The following CLIC2 variants were observed in gnomAD, a reference collection of about 807,000 sequenced individuals.
The protein encoded by CLIC2 is chloride intracellular channel protein 2.
In CLIC2, 9 loss-of-function variants were observed where a neutral mutation model predicts 14.8. The observed-to-expected ratio is 0.61, with a 90% CI of 0.37 to 1.06. The LOEUF is 1.06. Ranked by LOEUF, CLIC2 falls within the 50% of genes least tolerant of loss-of-function variation. The pLI, the probability that CLIC2 is intolerant of heterozygous loss-of-function variation, is 0.01. For missense variants in CLIC2, 148 were observed against 181.4 expected (o/e 0.82, Z 1.06); for synonymous variants, 61 against 66.3 (o/e 0.92, Z 0.39).
intron 1 of CLIC2, among the ~76,000 whole-genome samples, chrX:155,328,096 G>A (rs1557322511): frequency 9.0e-6 from 1 of 110,781 alleles, no homozygotes; most frequent in South Asian, 3.7e-4. Context: ...TCTAAGATTG[G>A]GAACATAACA....
At chrX:155,331,332 T>C (rs1557322814) in intron 1 of CLIC2, among the ~76,000 whole-genome samples, 2 of 110,998 alleles carry the variant, frequency 1.8e-5, no homozygotes, top group African/African-American at 6.5e-5. Flanking sequence ...TGTTATGTTA[T>C]GCTGATTTAA....
At chrX:155,290,455 A>G in intron 3 of CLIC2, 2 of 508,087 alleles carry the variant, frequency 3.9e-6, no homozygotes, top group Non-Finnish European at 7.1e-6. Context: ...TTCACAAAGG[A>G]AGTCTGAAGT....
rs1557318710 is a variant in CLIC2 at position 155,299,110 on chromosome X, G to C, written c.93C>G (p.Pro31=). ...GSDGESIGNC[P]FCQRLFMILW... Reference sequence around the variant, plus strand: ...GGATCATGAAAAGGCGTTGGCAAAAGGGACAGTTTCCAATACTCTCTCCAT... The same window carrying C: ...GGATCATGAAAAGGCGTTGGCAAAACGGACAGTTTCCAATACTCTCTCCAT... Residue 31 remains proline (P), a synonymous_variant, in exon 2 of 6, where the codon CCC becomes CCG. Coordinates refer to ENST00000369449, the MANE Select transcript of CLIC2 (RefSeq NM_001289.6). The C allele has an allele frequency of 5.0e-6, 6 of 1,209,002 alleles. No homozygotes were observed. The highest frequency in any genetic ancestry group is 6.7e-6 in the Non-Finnish European group (6 of 893,233).
At chrX:155,320,155 C>A (rs2075109184) in intron 1 of CLIC2, among the ~76,000 whole-genome samples, 2 of 112,311 alleles carry the variant, frequency 1.8e-5, no homozygotes, top group South Asian at 7.4e-4. Context: ...GACGTTCCTG[C>A]CTACTGGTGC....
chrX:155,287,343 T>C (rs941162032), intron 3 of CLIC2, among the ~76,000 whole-genome samples: 6 of 111,488 alleles, frequency 5.4e-5, no homozygotes, highest in Admixed American at 2.9e-4. Flanking sequence ...TTCTTTCTTT[T>C]TTTCTTTTGA....
At chrX:155,289,631 T>A (rs1442514777) in intron 3 of CLIC2, among the ~76,000 whole-genome samples, 1 of 112,005 alleles carries the variant, frequency 8.9e-6, no homozygotes, top group Non-Finnish European at 1.9e-5. Context: ...TGAATGATAT[T>A]AATTTAAATT....
Position 155,280,023 on chromosome X carries a change from G to A in CLIC2, c.339C>T (p.Gly113=). ...SPKYKESFDV[G]CNLFAKFSAY... ...CAGAAAACTTGGCAAAGAGGTTACA[G>A]CCCACATCAAAAGACTCCTTGTACT... The change falls in exon 4 of 6, where the codon GGC becomes GGT. Residue 113 remains glycine (G), a synonymous_variant. Transcript: ENST00000369449. 8.3e-7 allele frequency: 1 copy of A among 1,209,449 alleles called. No homozygotes were observed. The highest frequency in any genetic ancestry group is 1.7e-5 in the African/African-American group (1 of 57,781).
chrX:155,299,057 A>C lies in CLIC2; in HGVS notation c.146T>G (p.Val49Gly). The C allele has an allele frequency of 8.3e-7, 1 of 1,208,260 alleles. No individual in the cohort carries two copies. The highest frequency in any genetic ancestry group is 1.1e-6 in the Non-Finnish European group (1 of 892,261). The change falls in exon 2 of 6, where the codon GTG becomes GGG. Residue 49 changes from valine (V) to glycine (G), a missense_variant. Transcript: ENST00000369449. ...TTACCTGGTCATGTCAACAGTTGTC[A>C]CATTAAATTTAACTCCTTTAAGCCA... is the stretch of plus-strand genomic sequence containing the variant. The part of the protein sequence containing the change: ...ILWLKGVKFN[V>G]TTVDMTRKPE...
At chrX:155,326,206 T>C (rs1256292430) in intron 1 of CLIC2, among the ~76,000 whole-genome samples, 1 of 110,870 alleles carries the variant, frequency 9.0e-6, no homozygotes, top group African/African-American at 3.3e-5. Context: ...ACAAAATCAT[T>C]GTGTTGTATA....
At chrX:155,293,803 A>G (rs1306383334) in intron 3 of CLIC2, among the ~76,000 whole-genome samples, 4 of 111,815 alleles carry the variant, frequency 3.6e-5, no homozygotes, top group Non-Finnish European at 5.6e-5. Context: ...AAAAAAAGTG[A>G]AAAAAGGACT....
intron 3 of CLIC2, chrX:155,292,815 A>C: frequency 3.5e-6 from 3 of 848,812 alleles, no homozygotes; most frequent in Non-Finnish European, 5.2e-6. Flanking sequence ...AAAAGCTGCC[A>C]AAAAAAGCAG....
In CLIC2 at chrX:155,290,963, C is replaced by G. The variant is rs1327489591; in HGVS notation, c.293+7822G>C. 4 of 719,103 alleles carry G rather than the reference C, an allele frequency of 5.6e-6. No homozygotes were observed. In the African/African-American group the frequency reaches 8.4e-5, roughly 15 times the overall value. 59.3% of individuals were successfully genotyped at this position (719,103 alleles called of 1,213,427 possible). A position where few individuals can be genotyped will look rare whatever the true frequency, so the allele number is the denominator to read the frequency against. On this transcript the variant is annotated intron_variant, in intron 3 of 5. Coordinates refer to ENST00000369449, the MANE Select transcript of CLIC2 (RefSeq NM_001289.6). ...GTGGGGCAGGGGAAGATTGTGAGAGCAAACATTTTTTATATCCATGTAATG... is the reference window on the plus strand; with the variant it reads ...GTGGGGCAGGGGAAGATTGTGAGAGGAAACATTTTTTATATCCATGTAATG...
intron 3 of CLIC2, among the ~76,000 whole-genome samples, chrX:155,289,181 G>A (rs1291541401): frequency 1.8e-5 from 2 of 110,978 alleles, no homozygotes; most frequent in Non-Finnish European, 3.8e-5. Context: ...CCTATGAAAT[G>A]TGCATTTCTG....
At chrX:155,334,077 G>T (rs2075166042) in intron 1 of CLIC2, among the ~76,000 whole-genome samples, 1 of 111,129 alleles carries the variant, frequency 9.0e-6, no homozygotes, top group Admixed American at 9.6e-5. Flanking sequence ...GAGAAGGAGG[G>T]ATTTTTCTAA....
chrX:155,280,988 G>GATATAT (rs1557316366), intron 3 of CLIC2, among the ~76,000 whole-genome samples: 1 of 54,805 alleles, frequency 1.8e-5, no homozygotes, highest in East Asian at 2.3e-3. Context: ...TAGAAATTGT[G>GATATAT]AGATATATAT....
At chrX:155,304,652 G>A (rs2075040182) in intron 1 of CLIC2, among the ~76,000 whole-genome samples, 1 of 103,467 alleles carries the variant, frequency 9.7e-6, no homozygotes, top group Non-Finnish European at 2.0e-5. Context: ...AGGAGGAGAG[G>A]CGCTCTGCTT....
In CLIC2 at chrX:155,278,057, G is replaced by T. The variant is rs782185443; in HGVS notation, c.590C>A (p.Ala197Asp). The T allele has an allele frequency of 8.3e-7, 1 of 1,210,254 alleles. No homozygotes were observed. Among genetic ancestry groups the T allele is most frequent in the South Asian group, 1.8e-5 (1 of 56,903 alleles). Residue 197 changes from alanine to aspartate, a missense_variant, in exon 6 of 6, where the codon GCC (alanine) becomes GAC (aspartate). Coordinates refer to ENST00000369449, the MANE Select transcript of CLIC2 (RefSeq NM_001289.6). Reference protein sequence around the residue: ...LPKLNIIKVAAKKYRDFDIPA... With the variant: ...LPKLNIIKVADKKYRDFDIPA... ...AATGTCAAAGTCACGATATTTCTTG[G>T]CAGCAACCTAGAATTTTGCAAAAAA... is the stretch of plus-strand genomic sequence containing the variant.
chrX:155,313,124 G>T (rs1557320748), intron 1 of CLIC2, among the ~76,000 whole-genome samples: 1 of 102,281 alleles, frequency 9.8e-6, no homozygotes, highest in East Asian at 3.3e-4. Flanking sequence ...AGGGAGGATG[G>T]ATCACTTGAG....
chrX:155,313,425 T>C (rs1176995552), intron 1 of CLIC2, among the ~76,000 whole-genome samples: 4 of 112,104 alleles, frequency 3.6e-5, no homozygotes, highest in Non-Finnish European at 7.5e-5. Flanking sequence ...ACATGCTCAC[T>C]GCAGCACTAT....
Sources: gnomAD v4.1 joint callset for allele counts (sites outside exome capture counted in the v4.1 genomes callset) on GRCh38, gnomAD v4.1.1 for gene constraint, MANE v1.5 for transcripts, NCBI Gene and HGNC (gene_info 2026-07-23, HGNC 2026-07-21) for gene names.